Variants in MAP3K10 observed in about 807,000 individuals in gnomAD.
MAP3K10 encodes mitogen-activated protein kinase kinase kinase 10.
A neutral mutation model predicts 75.0 loss-of-function variants in MAP3K10; 22 were observed. That is an observed-to-expected ratio of 0.29 (90% CI 0.21 to 0.42). MAP3K10 has a LOEUF of 0.42. Ranked by LOEUF, MAP3K10 falls within the 10% of genes least tolerant of loss-of-function variation. MAP3K10 has a pLI of 1.00. For synonymous variants in MAP3K10, 599 were observed against 612.9 expected (o/e 0.98, Z 0.34); for missense variants, 1,165 against 1,379.8 (o/e 0.84, Z 2.47).
Position 40,198,544 on chromosome 19 carries a change from T to C in MAP3K10, c.852T>C (p.Ser284=). ...GTCTCTCCCTCTTCTCCAAAAGCAG[T>C]GATGTCTGGAGGTGCTGAAAGGCGC... is the stretch of plus-strand genomic sequence containing the variant. ...VIRLSLFSKS[S]DVWSFGVLLW... Residue 284 remains serine (S), a synonymous_variant, in exon 2 of 10, where the codon AGT becomes AGC. Coordinates refer to ENST00000253055, the MANE Select transcript of MAP3K10 (RefSeq NM_002446.4). The surrounding 1 kb of genome is among the most constrained non-coding windows in gnomAD (Gnocchi z 4.3). 1 of 1,611,718 alleles carries C rather than the reference T, an allele frequency of 6.2e-7. No homozygotes were observed. Among genetic ancestry groups the C allele is most frequent in the East Asian group, 2.2e-5 (1 of 44,726 alleles).
rs759418693 is a variant in MAP3K10 at position 40,212,822 on chromosome 19, GGTGGCAGCAGCA to G, written c.1587_1598del (p.Ser530_Gly533del). On this transcript the variant is annotated inframe_deletion, in exon 7 of 10. Transcript: ENST00000253055. The surrounding 1 kb of genome is among the most constrained non-coding windows in gnomAD (Gnocchi z 4.2). Reference sequence around the variant, plus strand: ...GGACCCAGTGACTCCCGTGGACTGTGGTGGCAGCAGCAGTGGCAGCAGCAGTGGAGGAAGTGG... The same window carrying G: ...GGACCCAGTGACTCCCGTGGACTGTGGTGGCAGCAGCAGTGGAGGAAGTGG... 808 of 1,597,090 alleles carry G rather than the reference GGTGGCAGCAGCA, an allele frequency of 5.1e-4. No homozygotes were observed. The highest frequency in any genetic ancestry group is 6.1e-4 in the Non-Finnish European group (718 of 1,173,148).
intron 5 of MAP3K10, among the ~76,000 whole-genome samples, chr19:40,208,345 C>CTTTCTTTTTTTTTTTTTTTTTTT (rs1555756622): frequency 1.8e-5 from 1 of 55,904 alleles, no homozygotes; most frequent in Non-Finnish European, 3.3e-5. Context: ...CTCTTTCTTT[C>CTTTCTTTTTTTTTTTTTTTTTTT]TTTTTTTTTT....
In MAP3K10 at chr19:40,212,973, A is replaced by G. The variant is rs146363391; in HGVS notation, c.1721A>G (p.Glu574Gly). The part of the protein sequence containing the change: ...TLQKERVGGE[E>G]RLKGLGEGSK... ...CAGAAGGAGCGGGTGGGAGGAGAGG[A>G]GAGGTGAGGTGTGGTGTGGTCATGC... The change falls in exon 7 of 10, where the codon GAG (glutamate) becomes GGG (glycine). Residue 574 changes from glutamate to glycine, a missense_variant. Physicochemically the swap from Glu to Gly is moderately conservative, Grantham distance 98. Around this residue, in one of 2 missense-constraint regions of MAP3K10, gnomAD observed 590 missense variants for 586.6 expected, o/e 1.01. Transcript: ENST00000253055. This position sits in a 1 kb window ranked among gnomAD's most constrained non-coding sequence, Gnocchi z 4.2. 1 of 1,601,408 alleles carries G rather than the reference A, an allele frequency of 6.2e-7. No homozygotes were observed. Among genetic ancestry groups the G allele is most frequent in the African/African-American group, 1.3e-5 (1 of 74,872 alleles).
rs755510311 is a variant in MAP3K10, at chr19:40,215,140, G to A, written c.2713G>A (p.Gly905Ser). 201 of 1,609,858 alleles carry A rather than the reference G, an allele frequency of 1.2e-4. No homozygotes were observed. Among genetic ancestry groups the A allele is most frequent in the Non-Finnish European group, 1.6e-4 (193 of 1,178,660 alleles). ...GGACCCCTGGAAACTGGTCTCCTTCGGCCGGACACTCACCATCTCGCCTCC... is the reference window on the plus strand; with the variant it reads ...GGACCCCTGGAAACTGGTCTCCTTCAGCCGGACACTCACCATCTCGCCTCC... ...RLDPWKLVSF[G>S]RTLTISPPSR... Residue 905 changes from glycine to serine, a missense_variant, in exon 10 of 10, where the codon GGC becomes AGC. This residue lies in a region of MAP3K10 where 590 missense variants were observed against 586.6 expected (regional missense o/e 1.01). Coordinates refer to ENST00000253055, the MANE Select transcript of MAP3K10 (RefSeq NM_002446.4).
chr19:40,197,085 G>A (rs1317419633), intron 1 of MAP3K10, among the ~76,000 whole-genome samples: 1 of 152,106 alleles, frequency 6.6e-6, no homozygotes, highest in Non-Finnish European at 1.5e-5. Flanking sequence ...CTGCATTTGC[G>A]GACCAGCTGG....
Position 40,214,151 on chromosome 19 carries a change from G to A in MAP3K10, c.2472G>A (p.Gly824=), listed in dbSNP as rs748436505. The change falls in exon 9 of 10, where the codon GGG becomes GGA. Residue 824 remains glycine (G), a synonymous_variant. Transcript: ENST00000253055. ...CGGCTGCATGCGCTGTGAGCCGCGG[G>A]CACCGGCGGACGCCATCGGACGGGG... ...HVTAACAVSR[G]HRRTPSDGAL... The A allele has an allele frequency of 1.3e-6, 2 of 1,535,684 alleles. No individual in the cohort carries two copies. The highest frequency in any genetic ancestry group is 1.7e-6 in the Non-Finnish European group (2 of 1,150,030).
At position 40,201,167 on chromosome 19, in the gene MAP3K10, G is replaced by GTTTT. The variant is rs986113003; in HGVS notation, c.863+2615_863+2618dup. ...CCAAAATGACTGCTTGAGCTCCAGC[G>GTTTT]TTTTTTGTTTTTTTTTTTTTTTTGA... On this transcript the variant is annotated intron_variant, in intron 2 of 9. Coordinates refer to ENST00000253055, the MANE Select transcript of MAP3K10 (RefSeq NM_002446.4). 5.6e-4 allele frequency among the ~76,000 whole-genome samples: 82 copies of GTTTT among 146,806 alleles called. 2 individuals carry two copies. The highest frequency in any genetic ancestry group is 2.0e-3 in the African/African-American group (81 of 39,716).
chr19:40,208,357 T>TTTTA (rs1973167317), intron 5 of MAP3K10, among the ~76,000 whole-genome samples: 2 of 109,722 alleles, frequency 1.8e-5, no homozygotes, highest in Non-Finnish European at 3.7e-5. Context: ...TTTTTTTTTT[T>TTTTA]TTTTTTTTTT....
rs1268859983 is a variant in MAP3K10 at position 40,215,508 on chromosome 19, A to G, written c.*216A>G. The G allele has an allele frequency of 8.9e-6, 5 of 560,598 alleles. No homozygotes were observed. The African/African-American group carries it at 9.5e-5, about 11-fold the overall frequency. The allele number at this position is 560,598 out of a possible 1,614,324, so 34.7% of individuals were successfully genotyped here. ...CACTGGGGGGAGGGTGGGCAGGGATACTCAGGGACAGGGCATCATGGGGGA... is the reference window on the plus strand; with the variant it reads ...CACTGGGGGGAGGGTGGGCAGGGATGCTCAGGGACAGGGCATCATGGGGGA... On this transcript the variant is annotated 3_prime_UTR_variant, in exon 10 of 10. Transcript: ENST00000253055.
At position 40,205,886 on chromosome 19, in the gene MAP3K10, C is replaced by A; in HGVS notation, c.1189-25C>A. On this transcript the variant is annotated intron_variant, in intron 4 of 9. Coordinates refer to ENST00000253055, the MANE Select transcript of MAP3K10 (RefSeq NM_002446.4). The surrounding 1 kb of genome is among the most constrained non-coding windows in gnomAD (Gnocchi z 4.3). ...GAAGCAGAGCAGCTAAGCCCCTCCC[C>A]CCAGCCACCGCCTCTCCTTCCCAGG... 8.6e-6 allele frequency: 13 copies of A among 1,503,286 alleles called. No individual in the cohort carries two copies. Among genetic ancestry groups the A allele is most frequent in the Non-Finnish European group, 1.2e-5 (13 of 1,121,848 alleles). 93.1% of individuals were successfully genotyped at this position (1,503,286 alleles called of 1,614,324 possible). A position where few individuals can be genotyped will look rare whatever the true frequency, so the allele number is the denominator to read the frequency against.
At chr19:40,208,345 C>CTTTTTTTTTTT (rs747110243) in intron 5 of MAP3K10, among the ~76,000 whole-genome samples, 127 of 55,898 alleles carry the variant, frequency 2.3e-3, no homozygotes, top group African/African-American at 2.8e-3. Flanking sequence ...CTCTTTCTTT[C>CTTTTTTTTTTT]TTTTTTTTTT....
At chr19:40,194,617 C>T (rs957439465) in intron 1 of MAP3K10, among the ~76,000 whole-genome samples, 8 of 152,198 alleles carry the variant, frequency 5.3e-5, no homozygotes, top group Admixed American at 1.3e-4. Flanking sequence ...GGCTTCCTCC[C>T]GGGGTGATGG....
chr19:40,206,504 A>G (rs899165972), intron 5 of MAP3K10: 9 of 192,036 alleles, frequency 4.7e-5, no homozygotes, highest in South Asian at 1.7e-4. Flanking sequence ...TGAGTCCAGG[A>G]GTTCGAGGCT....
chr19:40,213,879 G>T lies in MAP3K10; in HGVS notation c.2200G>T (p.Val734Leu), dbSNP rs551881274. The T allele has an allele frequency of 2.1e-6, 3 of 1,451,438 alleles. No individual in the cohort carries two copies. The highest frequency in any genetic ancestry group is 2.7e-6 in the Non-Finnish European group (3 of 1,109,282). 89.9% of individuals were successfully genotyped at this position (1,451,438 alleles called of 1,614,324 possible). ...GCGTCCCCACGGCCGCCGCGAAGAC[G>T]TGGGCCCCGGCCTGGGCCTGGCGCC... ...PARPHGRREDVGPGLGLAPSA... is the reference protein window; with the variant it reads ...PARPHGRREDLGPGLGLAPSA... Residue 734 changes from valine to leucine, a missense_variant, in exon 9 of 10, where the codon GTG (valine) becomes TTG (leucine). This residue lies in a region of MAP3K10 where 590 missense variants were observed against 586.6 expected (regional missense o/e 1.01). Coordinates refer to ENST00000253055, the MANE Select transcript of MAP3K10 (RefSeq NM_002446.4). This position sits in a 1 kb window ranked among gnomAD's most constrained non-coding sequence, Gnocchi z 5.7.
In MAP3K10 at chr19:40,192,874, G is replaced by A. The variant is rs1972845469; in HGVS notation, c.682+161G>A. On this transcript the variant is annotated intron_variant, in intron 1 of 9. Transcript: ENST00000253055. The surrounding 1 kb of genome is among the most constrained non-coding windows in gnomAD (Gnocchi z 7.1). ...GGTGAAGGTGAGGTAGGCCTTGCCTGCCTTAAGGGAGAAAAAGGAGGCTCA... is the reference window on the plus strand; with the variant it reads ...GGTGAAGGTGAGGTAGGCCTTGCCTACCTTAAGGGAGAAAAAGGAGGCTCA... 6.6e-6 allele frequency among the ~76,000 whole-genome samples: 1 copy of A among 152,192 alleles called. No individual in the cohort carries two copies. The highest frequency in any genetic ancestry group is 2.1e-4 in the South Asian group (1 of 4,828).
intron 6 of MAP3K10, 137 bp downstream of exon 6, chr19:40,209,356 C>A: frequency 3.5e-6 from 2 of 579,680 alleles, no homozygotes; most frequent in Non-Finnish European, 6.1e-6. Context: ...ATTCTTATCA[C>A]AGGAAACAGA....
intron 2 of MAP3K10, among the ~76,000 whole-genome samples, chr19:40,199,581 C>T (rs1434641406): frequency 6.6e-6 from 1 of 152,108 alleles, no homozygotes; most frequent in African/African-American, 2.4e-5. Context: ...TGCCACTGTG[C>T]AGGCAAGGAA....
chr19:40,214,002 T>TCCCCCCCCCCCCCCCC lies in MAP3K10; in HGVS notation c.2327_2328insCCCCCCCCCCCCCCCC (p.Ser779ProfsTer78). ...TGACGAGGCCGCACCGGCCGCGCCC[T>TCCCCCCCCCCCCCCCC]CCCCACCACCCTCCCCGCCCGCGCC... On this transcript the variant is annotated frameshift_variant, in exon 9 of 10. Transcript: ENST00000253055. LOFTEE classifies it high-confidence loss of function. 14 of 1,493,658 alleles carry TCCCCCCCCCCCCCCCC rather than the reference T, an allele frequency of 9.4e-6. No individual in the cohort carries two copies. Among genetic ancestry groups the TCCCCCCCCCCCCCCCC allele is most frequent in the South Asian group, 3.7e-5 (3 of 81,544 alleles). 92.5% of individuals were successfully genotyped at this position (1,493,658 alleles called of 1,614,324 possible). A position where few individuals can be genotyped will look rare whatever the true frequency, so the allele number is the denominator to read the frequency against.
intron 1 of MAP3K10, among the ~76,000 whole-genome samples, chr19:40,197,002 G>T (rs1438507664): frequency 1.3e-5 from 2 of 152,120 alleles, no homozygotes; most frequent in African/African-American, 4.8e-5. Context: ...GTCAGATTTT[G>T]TCACGATCAT....
Sources: gnomAD v4.1 joint callset for allele counts (sites outside exome capture counted in the v4.1 genomes callset) on GRCh38, gnomAD v4.1.1 for gene constraint, gnomAD v4.1.1 regional missense constraint, Gnocchi (gnomAD v3.1) non-coding constraint, MANE v1.5 for transcripts, NCBI Gene and HGNC (gene_info 2026-07-23, HGNC 2026-07-21) for gene names.